Variants in MZT1 observed in about 807,000 individuals in gnomAD.
MZT1 encodes mitotic spindle organizing protein 1.
Under a neutral mutation model 8.5 loss-of-function variants are expected in MZT1, and 8 were observed. That is an observed-to-expected ratio of 0.94 (90% CI 0.55 to 1.70). The LOEUF is 1.70. Among genes scored for constraint, MZT1 ranks in the 40% most tolerant of loss-of-function variants. The probability of loss-of-function intolerance (pLI) is 0.00; values close to 1 mark genes in which losing one functional copy is unlikely to be tolerated. For synonymous variants in MZT1, 38 were observed against 42.0 expected, an observed-to-expected ratio of 0.90 and a Z score of 0.37; for missense variants, 93 against 108.6, an observed-to-expected ratio of 0.86 and a Z score of 0.64.
intron 2 of MZT1, among the ~76,000 whole-genome samples, chr13:72,711,620 T>C (rs918010124): frequency 2.0e-5 from 3 of 151,408 alleles, no homozygotes; most frequent in Admixed American, 1.3e-4. Context: ...AGTTAAATTC[T>C]AAATACCAGG....
At chr13:72,713,675 G>A (rs2032508667) in intron 2 of MZT1, among the ~76,000 whole-genome samples, 1 of 152,162 alleles carries the variant, frequency 6.6e-6, no homozygotes. Context: ...ATCCATGGAT[G>A]CAGAACCCAC....
chr13:72,711,193 T>A (rs917790344), intron 2 of MZT1, among the ~76,000 whole-genome samples: 1 of 152,150 alleles, frequency 6.6e-6, no homozygotes, highest in African/African-American at 2.4e-5. Context: ...GCTCAGAACT[T>A]CTCAAATTAC....
intron 2 of MZT1, 112 bp from the exon 3 acceptor site, chr13:72,710,457 C>A: frequency 1.0e-6 from 1 of 956,640 alleles, no homozygotes; most frequent in South Asian, 1.4e-5. Flanking sequence ...CCCCATAAAA[C>A]AGAACCACTT....
chr13:72,715,859 C>T (rs2032530272), intron 2 of MZT1, among the ~76,000 whole-genome samples: 3 of 152,106 alleles, frequency 2.0e-5, no homozygotes, highest in Admixed American at 6.6e-5. Context: ...ATACAGCCTG[C>T]AGAACTATGA....
intron 2 of MZT1, among the ~76,000 whole-genome samples, chr13:72,711,137 T>G (rs1468849317): frequency 6.6e-6 from 1 of 152,272 alleles, no homozygotes; most frequent in East Asian, 1.9e-4. Flanking sequence ...TGGTATAACT[T>G]AAGACACTGG....
intron 1 of MZT1, among the ~76,000 whole-genome samples, chr13:72,725,607 A>G (rs1332667076): frequency 1.3e-5 from 2 of 152,016 alleles, no homozygotes; most frequent in African/African-American, 4.8e-5. Context: ...CCTCTCCTTC[A>G]TTTTTTGTTT....
intron 1 of MZT1, among the ~76,000 whole-genome samples, chr13:72,726,018 A>T (rs2032650530): frequency 6.6e-6 from 1 of 152,164 alleles, no homozygotes. Context: ...TCAGAAAAAC[A>T]GCAAGGTAGA....
At chr13:72,712,406 G>A (rs1363415460) in intron 2 of MZT1, among the ~76,000 whole-genome samples, 1 of 152,136 alleles carries the variant, frequency 6.6e-6, no homozygotes, top group East Asian at 1.9e-4. Flanking sequence ...CTTCTGCTTT[G>A]GCCTCCCAAA....
chr13:72,723,993 A>G (rs1424556171), intron 1 of MZT1, among the ~76,000 whole-genome samples: 1 of 152,238 alleles, frequency 6.6e-6, no homozygotes, highest in Non-Finnish European at 1.5e-5. Flanking sequence ...CAACCAGACT[A>G]ATACAGAGGC....
At chr13:72,717,226 C>A (rs1306572509) in intron 2 of MZT1, among the ~76,000 whole-genome samples, 2 of 152,256 alleles carry the variant, frequency 1.3e-5, no homozygotes, top group South Asian at 2.1e-4. Flanking sequence ...TCAGGCTACA[C>A]CTTCCACAAT....
At chr13:72,726,667 G>T (rs1322543635) in intron 1 of MZT1, among the ~76,000 whole-genome samples, 1 of 146,748 alleles carries the variant, frequency 6.8e-6, no homozygotes, top group Non-Finnish European at 1.5e-5. Context: ...AAAAATAATT[G>T]ATCATCTTTG....
intron 1 of MZT1, 28 bp from the exon 2 acceptor site, chr13:72,719,125 A>G: frequency 6.9e-7 from 1 of 1,454,988 alleles, no homozygotes; most frequent in South Asian, 1.3e-5. Context: ...AAAAAAAAAA[A>G]CTTAAGGCTT....
At chr13:72,718,873 G>A in intron 2 of MZT1, 79 bp downstream of exon 2, 1 of 1,357,074 alleles carries the variant, frequency 7.4e-7, no homozygotes, top group Non-Finnish European at 9.8e-7. Flanking sequence ...TAACCAGGAT[G>A]TTTCCCATAA....
chr13:72,715,793 A>G (rs1043418144), intron 2 of MZT1, among the ~76,000 whole-genome samples: 1 of 152,088 alleles, frequency 6.6e-6, no homozygotes, highest in Non-Finnish European at 1.5e-5. Context: ...CTTTGTTTCC[A>G]TAATGATTGT....
In MZT1 at chr13:72,711,336, A is replaced by T. The variant is rs564713450; in HGVS notation, c.226-991T>A. Reference sequence around the variant, plus strand: ...TTTATGCTGTGGGAGATATGTATAAAGTGGCCTATTTATGGCTGTTGAGTA... The same window carrying T: ...TTTATGCTGTGGGAGATATGTATAATGTGGCCTATTTATGGCTGTTGAGTA... On this transcript the variant is annotated intron_variant, in intron 2 of 2. Coordinates refer to ENST00000377818, the MANE Select transcript of MZT1 (RefSeq NM_001071775.3). 2.0e-5 allele frequency among the ~76,000 whole-genome samples: 3 copies of T among 152,316 alleles called. No individual in the cohort carries two copies. The East Asian group carries it at 5.8e-4, about 29-fold the overall frequency.
chr13:72,726,454 G>A (rs908079381), intron 1 of MZT1, among the ~76,000 whole-genome samples: 1 of 151,950 alleles, frequency 6.6e-6, no homozygotes, highest in African/African-American at 2.4e-5. Flanking sequence ...AAGAGCCTAC[G>A]GTGAAGGAGA....
At chr13:72,718,881 T>C in intron 2 of MZT1, 71 bp downstream of exon 2, 2 of 1,414,542 alleles carry the variant, frequency 1.4e-6, no homozygotes, top group South Asian at 1.5e-5. Context: ...ATGTTTCCCA[T>C]AACTTCATCA....
chr13:72,724,750 A>ATGTGTGTGTG (rs199571360), intron 1 of MZT1, among the ~76,000 whole-genome samples: 59 of 36,862 alleles, frequency 1.6e-3, no homozygotes, highest in Admixed American at 3.1e-3. Context: ...ACACATATAT[A>ATGTGTGTGTG]TATGTAAAGT....
Position 72,710,349 on chromosome 13 carries a change from G to A in MZT1, c.226-4C>T, listed in dbSNP as rs942804642. The A allele has an allele frequency of 4.3e-6, 7 of 1,612,720 alleles. No individual in the cohort carries two copies. The South Asian group carries it at 4.4e-5, about 10-fold the overall frequency. Reference sequence around the variant, plus strand: ...AGCTTGTCATATTTTCAGCAGCCTAGAACAAGAAAGTAAGATTCATTACAA... The same window carrying A: ...AGCTTGTCATATTTTCAGCAGCCTAAAACAAGAAAGTAAGATTCATTACAA... On this transcript the variant is annotated splice_region_variant and splice_polypyrimidine_tract_variant and intron_variant, in intron 2 of 2. Transcript: ENST00000377818.
Sources: gnomAD v4.1 joint callset for allele counts (sites outside exome capture counted in the v4.1 genomes callset) on GRCh38, gnomAD v4.1.1 for gene constraint, MANE v1.5 for transcripts, NCBI Gene and HGNC (gene_info 2026-07-23, HGNC 2026-07-21) for gene names.